The following CNTNAP2 variants were observed in gnomAD, a reference collection of about 807,000 sequenced individuals.
CNTNAP2 encodes the protein contactin associated protein 2.
In CNTNAP2, 98 loss-of-function variants were observed where a neutral mutation model predicts 155.2. The ratio of observed to expected loss-of-function variants is 0.63; its 90% CI spans 0.54 to 0.75. The LOEUF (loss-of-function observed/expected upper bound fraction) is 0.75, where lower values mean the gene tolerates loss of function less well. Ranked by LOEUF, CNTNAP2 falls within the 30% of genes least tolerant of loss-of-function variation. CNTNAP2 has a pLI of 0.00. For synonymous variants in CNTNAP2, 651 were observed against 631.2 expected (o/e 1.03, Z -0.47); for missense variants, 1,727 against 1,688.1 (o/e 1.02, Z -0.40).
intron 13 of CNTNAP2, among the ~76,000 whole-genome samples, chr7:147,685,510 T>C (rs139559215): frequency 6.6e-6 from 1 of 152,096 alleles, no homozygotes; most frequent in East Asian, 1.9e-4. Flanking sequence ...CAATGGTGAC[T>C]TCATTCATTC....
chr7:147,745,686 G>A (rs567825301), intron 13 of CNTNAP2, among the ~76,000 whole-genome samples: 8 of 152,194 alleles, frequency 5.3e-5, no homozygotes, highest in African/African-American at 1.9e-4. Flanking sequence ...AGCATTACTT[G>A]GTAAAAAGAT....
chr7:148,154,527 G>A (rs1436080155), intron 17 of CNTNAP2, among the ~76,000 whole-genome samples: 1 of 152,138 alleles, frequency 6.6e-6, no homozygotes, highest in Non-Finnish European at 1.5e-5. Context: ...AGAGACCAAA[G>A]AGAAAATCGC....
intron 15 of CNTNAP2, among the ~76,000 whole-genome samples, chr7:148,050,371 G>C (rs900063310): frequency 6.6e-6 from 1 of 152,046 alleles, no homozygotes; most frequent in African/African-American, 2.4e-5. Context: ...TTGTGTCTTA[G>C]TTTTTACAAC....
intron 2 of CNTNAP2, among the ~76,000 whole-genome samples, chr7:146,823,233 C>T (rs1803324648): frequency 6.7e-6 from 1 of 149,840 alleles, no homozygotes; most frequent in Admixed American, 6.7e-5. Context: ...ACTCATTCTT[C>T]AGTATATTTA....
At chr7:148,185,533 G>A (rs777693824) in intron 18 of CNTNAP2, among the ~76,000 whole-genome samples, 24 of 152,234 alleles carry the variant, frequency 1.6e-4, no homozygotes, top group African/African-American at 4.8e-4. Context: ...CCTCTGCCCC[G>A]TTACCAAGGA....
chr7:146,763,596 A>G (rs1187090252), intron 1 of CNTNAP2, among the ~76,000 whole-genome samples: 1 of 152,174 alleles, frequency 6.6e-6, no homozygotes, highest in Admixed American at 6.5e-5. Context: ...CTATTTTTCA[A>G]ATGTTATAAA....
intron 13 of CNTNAP2, among the ~76,000 whole-genome samples, chr7:147,722,690 G>A (rs565950074): frequency 6.6e-6 from 1 of 152,164 alleles, no homozygotes; most frequent in African/African-American, 2.4e-5. Context: ...ACAATTATGA[G>A]CTTTCTCAAG....
At chr7:147,921,669 T>C (rs1466091969) in intron 14 of CNTNAP2, among the ~76,000 whole-genome samples, 1 of 152,198 alleles carries the variant, frequency 6.6e-6, no homozygotes, top group Non-Finnish European at 1.5e-5. Context: ...CTTTTCTCAC[T>C]TCAGTTTCTT....
At chr7:147,116,388 G>A (rs1800989778) in intron 5 of CNTNAP2, among the ~76,000 whole-genome samples, 1 of 152,182 alleles carries the variant, frequency 6.6e-6, no homozygotes, top group Admixed American at 6.5e-5. Context: ...CCCCTAATCG[G>A]TTTGGGCTCT....
At chr7:148,254,775 C>CAA (rs55711921) in intron 20 of CNTNAP2, among the ~76,000 whole-genome samples, 76 of 120,310 alleles carry the variant, frequency 6.3e-4, no homozygotes, top group Middle Eastern at 4.0e-3. Context: ...GACTCCATCT[C>CAA]AAAAAAAAAA....
intron 14 of CNTNAP2, among the ~76,000 whole-genome samples, chr7:147,964,430 T>C (rs944214009): frequency 1.3e-5 from 2 of 152,164 alleles, no homozygotes; most frequent in Non-Finnish European, 1.5e-5. Flanking sequence ...CACGGATTTG[T>C]TTCCATCATT....
chr7:148,069,602 AAC>A (rs1803341085), intron 15 of CNTNAP2, among the ~76,000 whole-genome samples: 1 of 151,970 alleles, frequency 6.6e-6, no homozygotes, highest in Non-Finnish European at 1.5e-5. Flanking sequence ...CTCTACTAAA[AAC>A]ACAAAATTAG....
chr7:147,908,375 T>G (rs1800004619), intron 14 of CNTNAP2, among the ~76,000 whole-genome samples: 1 of 152,172 alleles, frequency 6.6e-6, no homozygotes, highest in Admixed American at 6.5e-5. Flanking sequence ...CTTCTCTCAC[T>G]TCTCACAAAG....
At chr7:146,484,920 A>G (rs1216162164) in intron 1 of CNTNAP2, among the ~76,000 whole-genome samples, 2 of 152,160 alleles carry the variant, frequency 1.3e-5, no homozygotes, top group Non-Finnish European at 2.9e-5. Context: ...TCTTGGTTCA[A>G]AAAGCATAAT....
chr7:146,500,083 T>C (rs1236697312), intron 1 of CNTNAP2, among the ~76,000 whole-genome samples: 1 of 152,242 alleles, frequency 6.6e-6, no homozygotes, highest in Non-Finnish European at 1.5e-5. Context: ...ACTCATTTAT[T>C]AATTTGATCT....
At chr7:147,528,009 C>T (rs574407355) in intron 11 of CNTNAP2, among the ~76,000 whole-genome samples, 1 of 152,272 alleles carries the variant, frequency 6.6e-6, no homozygotes, top group Admixed American at 6.5e-5. Context: ...CCTTTTGGTA[C>T]GTGGGGATGC....
chr7:147,826,330 T>A (rs888598292), intron 13 of CNTNAP2, among the ~76,000 whole-genome samples: 3 of 152,236 alleles, frequency 2.0e-5, no homozygotes, highest in Admixed American at 6.5e-5. Flanking sequence ...AGTGATAGTA[T>A]AATCCTATAA....
chr7:146,497,918 T>C lies in CNTNAP2; in HGVS notation c.98-276353T>C, dbSNP rs192852121. Among the ~76,000 whole-genome samples, 650 of 148,946 alleles carry C rather than the reference T, an allele frequency of 4.4e-3. 5 individuals are homozygous for C. The highest frequency in any genetic ancestry group is 0.018 in the Middle Eastern group (5 of 278). ...ATGTTTATTCAAACATATATAAACA[T>C]ATATTCTAACATATACATAAACATA... On this transcript the variant is annotated intron_variant, in intron 1 of 23. Coordinates refer to ENST00000361727, the MANE Select transcript of CNTNAP2 (RefSeq NM_014141.6).
chr7:148,211,494 G>A lies in CNTNAP2; in HGVS notation c.3011-5794G>A, dbSNP rs138972598. ...CAGCTTGCACAGTCTGGGAGACCTC[G>A]CTTCTCAGCTCCTTATTTAATGACA... On this transcript the variant is annotated intron_variant, in intron 18 of 23. Coordinates refer to ENST00000361727, the MANE Select transcript of CNTNAP2 (RefSeq NM_014141.6). Among the ~76,000 whole-genome samples the A allele has an allele frequency of 5.0e-3, 757 of 152,296 alleles. 17 individuals carry two copies. Among genetic ancestry groups the A allele is most frequent in the Admixed American group, 0.031 (478 of 15,300 alleles).
Sources: allele counts gnomAD v4.1 joint callset (sites outside exome capture counted in the v4.1 genomes callset), GRCh38; gene constraint gnomAD v4.1.1; transcripts MANE v1.5; gene names NCBI Gene and HGNC (gene_info 2026-07-23, HGNC 2026-07-21).